The following HEXD variants were observed in gnomAD, a reference collection of about 807,000 sequenced individuals.
HEXD encodes the protein hexosaminidase D, also known as N-acetyl-beta-galactosaminidase.
A neutral mutation model predicts 54.2 loss-of-function variants in HEXD; 47 were observed. The observed-to-expected ratio is 0.87, with a 90% CI of 0.69 to 1.11. HEXD has a LOEUF of 1.11. HEXD is among the 50% of genes least tolerant of loss of function. HEXD has a pLI of 0.00. For missense variants in HEXD, 576 were observed against 649.2 expected (o/e 0.89, Z 1.23); for synonymous variants, 293 against 287.6 (o/e 1.02, Z -0.19).
intron 9 of HEXD, chr17:82,439,993 G>A (rs190603415): frequency 3.9e-5 from 56 of 1,428,864 alleles, no homozygotes; most frequent in East Asian, 6.2e-5. Context: ...CACGCAGGTC[G>A]GAGGTGGGGA....
chr17:82,428,497 GT>G, intron 3 of HEXD, 60 bp from the exon 4 acceptor site: 1 of 1,432,102 alleles, frequency 7.0e-7, no homozygotes, highest in South Asian at 1.2e-5. Flanking sequence ...GGCTGGGGGG[GT>G]GGGTGTGGAA....
In HEXD at chr17:82,435,620, G is replaced by A. The variant is rs535088862; in HGVS notation, c.448-69G>A. On this transcript the variant is annotated intron_variant, in intron 5 of 12. Coordinates refer to ENST00000327949, the MANE Select transcript of HEXD (RefSeq NM_001330542.2). ...CGGCCCCTCTCCGTCAGGGCACGGCGTGAACCCCGGACCCTCCCACCGGTG... is the reference window on the plus strand; with the variant it reads ...CGGCCCCTCTCCGTCAGGGCACGGCATGAACCCCGGACCCTCCCACCGGTG... The A allele has an allele frequency of 1.7e-4, 262 of 1,507,654 alleles. 1 individual carries two copies. Among genetic ancestry groups the A allele is most frequent in the Admixed American group, 8.5e-4 (47 of 55,184 alleles). 93.4% of individuals were successfully genotyped at this position (1,507,654 alleles called of 1,614,324 possible).
intron 5 of HEXD, among the ~76,000 whole-genome samples, chr17:82,435,198 A>G (rs1295010919): frequency 6.6e-6 from 1 of 152,164 alleles, no homozygotes; most frequent in Admixed American, 6.5e-5. Context: ...CCAGACATTC[A>G]TGGTGTGGGC....
chr17:82,432,122 C>T (rs2053591402), intron 4 of HEXD, among the ~76,000 whole-genome samples: 1 of 152,180 alleles, frequency 6.6e-6, no homozygotes, highest in Non-Finnish European at 1.5e-5. Flanking sequence ...GCTCCCACAC[C>T]TTGAGCCCAC....
intron 2 of HEXD, chr17:82,423,386 AT>A (rs1206615556): frequency 3.3e-5 from 5 of 152,220 alleles, no homozygotes; most frequent in African/African-American, 9.7e-5. Flanking sequence ...GAGGCCTAGC[AT>A]GTGCCTGTAG....
At position 82,440,345 on chromosome 17, in the gene HEXD, G is replaced by A. The variant is rs963473298; in HGVS notation, c.982+632G>A. ...ACGGGGACGCGGCCGGTGAGAGGAC[G>A]CAGAATGAGATCAGATTGACTTCTC... On this transcript the variant is annotated intron_variant, in intron 9 of 12. Transcript: ENST00000327949. 9.0e-6 allele frequency: 11 copies of A among 1,224,696 alleles called. No individual in the cohort carries two copies. In the East Asian group the frequency reaches 1.7e-4, roughly 19 times the overall value. 75.9% of individuals were successfully genotyped at this position (1,224,696 alleles called of 1,614,324 possible). A position where few individuals can be genotyped will look rare whatever the true frequency, so the allele number is the denominator to read the frequency against.
In HEXD at chr17:82,440,940, A is replaced by G. The variant is rs1159385567; in HGVS notation, c.983-57A>G. 16 of 1,586,686 alleles carry G rather than the reference A, an allele frequency of 1.0e-5. No homozygotes were observed. In the Admixed American group the frequency reaches 2.7e-4, roughly 27 times the overall value. ...TACCTAGGCCTGCAGGTCCCAATGTAGCCCCCTCCCCTCCTCCAGAGGCCC... is the reference window on the plus strand; with the variant it reads ...TACCTAGGCCTGCAGGTCCCAATGTGGCCCCCTCCCCTCCTCCAGAGGCCC... On this transcript the variant is annotated intron_variant, in intron 9 of 12. Transcript: ENST00000327949.
chr17:82,423,827 A>G (rs919006756), intron 2 of HEXD, among the ~76,000 whole-genome samples: 100 of 151,146 alleles, frequency 6.6e-4, no homozygotes, highest in African/African-American at 2.0e-3. Context: ...AAAAAAAAAA[A>G]AGAGAGAAAG....
In HEXD at chr17:82,442,035, C is replaced by A; in HGVS notation, c.1254-142C>A. ...GTCTCAGATGTGCAGCTGTCACCGA[C>A]TTGTTCCTCCCGACATGCCGATGAG... On this transcript the variant is annotated intron_variant, in intron 12 of 12. Transcript: ENST00000327949. The surrounding 1 kb of genome is among the most constrained non-coding windows in gnomAD (Gnocchi z 6.8). 3 of 1,312,434 alleles carry A rather than the reference C, an allele frequency of 2.3e-6. No homozygotes were observed. Among genetic ancestry groups the A allele is most frequent in the South Asian group, 1.3e-5 (1 of 79,278 alleles). 81.3% of individuals were successfully genotyped at this position (1,312,434 alleles called of 1,614,324 possible).
Position 82,442,139 on chromosome 17 carries a change from G to A in HEXD, c.1254-38G>A. ...CCATGGGGCTGAGGGCAAGTCCCAA[G>A]TGTGCAGACTGTGCGTTCATGGCGC... On this transcript the variant is annotated intron_variant, in intron 12 of 12. Coordinates refer to ENST00000327949, the MANE Select transcript of HEXD (RefSeq NM_001330542.2). This position sits in a 1 kb window ranked among gnomAD's most constrained non-coding sequence, Gnocchi z 6.8. 1 of 1,578,272 alleles carries A rather than the reference G, an allele frequency of 6.3e-7. No individual in the cohort carries two copies. Among genetic ancestry groups the A allele is most frequent in the South Asian group, 1.1e-5 (1 of 89,336 alleles).
chr17:82,436,852 G>A (rs1377974614), intron 7 of HEXD, 114 bp downstream of exon 7: 60 of 988,982 alleles, frequency 6.1e-5, no homozygotes, highest in Non-Finnish European at 8.9e-5. Flanking sequence ...CACGGGTAGA[G>A]GCCAGGGCAC....
rs765981733 is a variant in HEXD, at chr17:82,424,415, C to G, written c.106C>G (p.Leu36Val). Residue 36 changes from leucine to valine, a missense_variant, in exon 3 of 13, where the codon CTA (leucine) becomes GTA (valine). Transcript: ENST00000327949. ...CCAGATTTTTCCTCTGTTCCGTGCGCTAGGTGCAAACGGCCTCCTCATTGA... is the reference window on the plus strand; with the variant it reads ...CCAGATTTTTCCTCTGTTCCGTGCGGTAGGTGCAAACGGCCTCCTCATTGA... The part of the protein sequence containing the change: ...LSEIFPLFRA[L>V]GANGLLIEYE... The G allele has an allele frequency of 4.3e-6, 7 of 1,614,054 alleles. No homozygotes were observed. The South Asian group carries it at 5.5e-5, about 13-fold the overall frequency.
intron 3 of HEXD, chr17:82,427,460 GC>G (rs1234471369): frequency 6.6e-6 from 1 of 152,276 alleles, no homozygotes; most frequent in African/African-American, 2.4e-5. Flanking sequence ...ACCCCATGCA[GC>G]CCACATGTGG....
chr17:82,433,120 ATATATATATTTT>A (rs1567890584), intron 4 of HEXD, among the ~76,000 whole-genome samples: 3 of 18,196 alleles, frequency 1.6e-4, no homozygotes, highest in African/African-American at 1.6e-3. Context: ...ATATATATAT[ATATATATATTTT>A]TTTTTTTTTT....
intron 8 of HEXD, 78 bp downstream of exon 8, chr17:82,437,441 C>A: frequency 7.8e-7 from 1 of 1,282,596 alleles, no homozygotes; most frequent in Non-Finnish European, 1.0e-6. Flanking sequence ...CAGCGTCCGC[C>A]AAGGGCCTTC....
intron 5 of HEXD, among the ~76,000 whole-genome samples, chr17:82,435,393 G>A (rs911053239): frequency 2.0e-5 from 3 of 152,232 alleles, no homozygotes; most frequent in Non-Finnish European, 1.5e-5. Context: ...CCGTGTTCAT[G>A]GTGGGGGATG....
At chr17:82,419,079 A>G (rs2053154714) in intron 1 of HEXD, among the ~76,000 whole-genome samples, 1 of 152,130 alleles carries the variant, frequency 6.6e-6, no homozygotes, top group East Asian at 1.9e-4. Flanking sequence ...TTCTCACCCA[A>G]TCCTTTGTGC....
At position 82,434,666 on chromosome 17, in the gene HEXD, C is replaced by T. The variant is rs980543403; in HGVS notation, c.447+844C>T. Among the ~76,000 whole-genome samples, 5 of 151,874 alleles carry T rather than the reference C, an allele frequency of 3.3e-5. No individual in the cohort carries two copies. The highest frequency in any genetic ancestry group is 2.1e-4 in the South Asian group (1 of 4,808). ...CAGTTTGGCCAATGTGGTGAAACCCCGTCTCTACTAAATATACAAAAATCA... is the reference window on the plus strand; with the variant it reads ...CAGTTTGGCCAATGTGGTGAAACCCTGTCTCTACTAAATATACAAAAATCA... On this transcript the variant is annotated intron_variant, in intron 5 of 12. Transcript: ENST00000327949. The surrounding 1 kb of genome is among the most constrained non-coding windows in gnomAD (Gnocchi z 4.5).
chr17:82,442,333 C>A lies in HEXD; in HGVS notation c.1410C>A (p.Ala470=), dbSNP rs765849895. 3.5e-5 allele frequency: 57 copies of A among 1,610,740 alleles called. No homozygotes were observed. The highest frequency in any genetic ancestry group is 4.7e-5 in the Non-Finnish European group (56 of 1,179,544). ...ALLQDLSEVS[A]PPLPPTSPGR... The stretch of plus-strand genomic sequence containing the variant: ...TGCAGGACCTCAGCGAGGTGTCTGC[C>A]CCCCCGCTGCCACCCACCAGCCCTG... Residue 470 remains alanine, a synonymous_variant, in exon 13 of 13, where the codon GCC becomes GCA. Transcript: ENST00000327949. This position sits in a 1 kb window ranked among gnomAD's most constrained non-coding sequence, Gnocchi z 6.8.
Sources: allele counts gnomAD v4.1 joint callset (sites outside exome capture counted in the v4.1 genomes callset), GRCh38; gene constraint gnomAD v4.1.1; non-coding constraint Gnocchi (gnomAD v3.1); transcripts MANE v1.5; gene names NCBI Gene and HGNC (gene_info 2026-07-23, HGNC 2026-07-21).